Variants in DOCK3 observed in about 807,000 individuals in gnomAD.
DOCK3 encodes dedicator of cytokinesis protein 3.
Under a neutral mutation model 265.6 loss-of-function variants are expected in DOCK3, and 60 were observed. The observed-to-expected ratio is 0.23, with a 90% confidence interval of 0.18 to 0.28. The LOEUF (loss-of-function observed/expected upper bound fraction) is 0.28, where lower values mean the gene tolerates loss of function less well. Among genes scored for constraint, DOCK3 ranks in the 10% least tolerant of loss-of-function variants. DOCK3 has a pLI of 1.00. For missense variants in DOCK3, 1,981 were observed against 2,594.3 expected (o/e 0.76, Z 5.14); for synonymous variants, 881 against 938.0 (o/e 0.94, Z 1.11).
At chr3:51,014,921 T>C (rs894658110) in intron 5 of DOCK3, among the ~76,000 whole-genome samples, 1 of 152,184 alleles carries the variant, frequency 6.6e-6, no homozygotes, top group Non-Finnish European at 1.5e-5. Context: ...GATTATTTTC[T>C]TGATTTCCTT....
At chr3:51,191,958 A>T (rs533645031) in intron 12 of DOCK3, among the ~76,000 whole-genome samples, 1 of 150,544 alleles carries the variant, frequency 6.6e-6, no homozygotes, top group African/African-American at 2.4e-5. Flanking sequence ...TATTTTTCCC[A>T]TTCAACAGGT....
intron 3 of DOCK3, among the ~76,000 whole-genome samples, chr3:50,856,824 T>A (rs140561664): frequency 6.6e-4 from 101 of 152,298 alleles, no homozygotes; most frequent in African/African-American, 2.2e-3. Flanking sequence ...GGGTTTGTCA[T>A]CTATGGCTCT....
intron 16 of DOCK3, 24 bp from the exon 17 acceptor site, chr3:51,227,958 A>G: frequency 1.9e-6 from 3 of 1,612,080 alleles, no homozygotes; most frequent in Non-Finnish European, 2.5e-6. Context: ...GCAAAAAACA[A>G]CTAATACTTG....
intron 49 of DOCK3, among the ~76,000 whole-genome samples, chr3:51,366,825 C>G (rs1286209089): frequency 6.6e-6 from 1 of 152,124 alleles, no homozygotes; most frequent in Non-Finnish European, 1.5e-5. Flanking sequence ...ATCCTGAGTT[C>G]TAGTTTGATT....
At chr3:51,115,724 T>A (rs2083706062) in intron 9 of DOCK3, among the ~76,000 whole-genome samples, 1 of 152,230 alleles carries the variant, frequency 6.6e-6, no homozygotes, top group Non-Finnish European at 1.5e-5. Context: ...TGCCCATGCC[T>A]ATGTCTTGAA....
At chr3:51,247,899 C>T (rs1243012898) in intron 22 of DOCK3, among the ~76,000 whole-genome samples, 2 of 152,184 alleles carry the variant, frequency 1.3e-5, no homozygotes, top group Non-Finnish European at 2.9e-5. Context: ...TAGCACCTGT[C>T]AGGTGCCTAA....
intron 1 of DOCK3, among the ~76,000 whole-genome samples, chr3:50,756,103 G>A (rs573072458): frequency 1.8e-4 from 28 of 152,276 alleles, no homozygotes; most frequent in African/African-American, 6.7e-4. Flanking sequence ...CCCCTCCCTT[G>A]ATTTTTTACC....
intron 3 of DOCK3, among the ~76,000 whole-genome samples, chr3:50,861,216 C>G (rs1234458544): frequency 1.3e-5 from 2 of 151,990 alleles, no homozygotes; most frequent in African/African-American, 4.8e-5. Context: ...CTCTGTGGGT[C>G]AAGTTGTTTC....
At chr3:51,250,704 G>A (rs1382103019) in intron 22 of DOCK3, among the ~76,000 whole-genome samples, 2 of 152,166 alleles carry the variant, frequency 1.3e-5, no homozygotes, top group East Asian at 1.9e-4. Context: ...GGAAAGGAGG[G>A]TTTACTTCAG....
chr3:51,174,328 G>T (rs376889531), intron 12 of DOCK3, among the ~76,000 whole-genome samples: 14 of 152,108 alleles, frequency 9.2e-5, no homozygotes, highest in African/African-American at 3.4e-4. Flanking sequence ...AATTAGCCAG[G>T]TGTGGTGGTT....
At chr3:51,026,914 A>G (rs1355580134) in intron 5 of DOCK3, among the ~76,000 whole-genome samples, 2 of 151,236 alleles carry the variant, frequency 1.3e-5, no homozygotes, top group African/African-American at 4.9e-5. Context: ...TCAAAGAACC[A>G]AATTTCTTTT....
intron 5 of DOCK3, among the ~76,000 whole-genome samples, chr3:51,021,134 C>G (rs988844848): frequency 6.6e-6 from 1 of 151,894 alleles, no homozygotes; most frequent in African/African-American, 2.4e-5. Context: ...TTTGTCCTCT[C>G]TAATTTCCTT....
At chr3:50,695,728 C>T (rs139318631) in intron 1 of DOCK3, among the ~76,000 whole-genome samples, 168 of 152,308 alleles carry the variant, frequency 1.1e-3, no homozygotes, top group African/African-American at 3.8e-3. Context: ...GTGGGTATCT[C>T]GCTTGGTCAC....
chr3:51,291,213 A>G (rs958450481), intron 27 of DOCK3, among the ~76,000 whole-genome samples: 1 of 152,196 alleles, frequency 6.6e-6, no homozygotes, highest in African/African-American at 2.4e-5. Context: ...GCAAGATCTC[A>G]AACAACCCAA....
intron 12 of DOCK3, among the ~76,000 whole-genome samples, chr3:51,198,316 C>T (rs963526423): frequency 6.6e-6 from 1 of 152,184 alleles, no homozygotes; most frequent in Non-Finnish European, 1.5e-5. Context: ...TTCTCTTTAC[C>T]TCCTTGTTCT....
intron 12 of DOCK3, among the ~76,000 whole-genome samples, chr3:51,170,411 A>C (rs970019658): frequency 3.9e-5 from 6 of 152,076 alleles, no homozygotes; most frequent in Non-Finnish European, 5.9e-5. Context: ...ATTTTTGATT[A>C]CTGCTTCTGT....
At chr3:51,096,081 C>T (rs902199572) in intron 9 of DOCK3, among the ~76,000 whole-genome samples, 2 of 151,968 alleles carry the variant, frequency 1.3e-5, no homozygotes, top group Admixed American at 6.6e-5. Context: ...GTGAATCTGA[C>T]GATTATGTGT....
intron 12 of DOCK3, among the ~76,000 whole-genome samples, chr3:51,162,065 G>A (rs1436134757): frequency 6.6e-6 from 1 of 152,200 alleles, no homozygotes; most frequent in East Asian, 1.9e-4. Flanking sequence ...GATCAGTGGT[G>A]AGTTTAGTAA....
chr3:51,191,079 T>C (rs1448943159), intron 12 of DOCK3, among the ~76,000 whole-genome samples: 1 of 152,110 alleles, frequency 6.6e-6, no homozygotes, highest in Non-Finnish European at 1.5e-5. Context: ...TAGTAGCAGC[T>C]AGCTAAGTTC....
Sources: allele counts gnomAD v4.1 joint callset (sites outside exome capture counted in the v4.1 genomes callset), GRCh38; gene constraint gnomAD v4.1.1; transcripts MANE v1.5; gene names NCBI Gene and HGNC (gene_info 2026-07-23, HGNC 2026-07-21).